Variants in HS3ST3B1 observed in about 807,000 individuals in gnomAD.
The protein encoded by HS3ST3B1 is heparan sulfate-glucosamine 3-sulfotransferase 3B1, also known as heparan sulfate glucosamine 3-O-sulfotransferase 3B1.
In HS3ST3B1, 13 loss-of-function variants were observed where a neutral mutation model predicts 21.3. The observed-to-expected ratio is 0.61, with a 90% CI of 0.40 to 0.97. The LOEUF (loss-of-function observed/expected upper bound fraction) is 0.97. Among genes scored for constraint, HS3ST3B1 ranks in the 50% least tolerant of loss-of-function variants. The pLI is 0.00. For missense variants in HS3ST3B1, 459 were observed against 554.8 expected, an observed-to-expected ratio of 0.83 and a Z score of 1.73; for synonymous variants, 234 against 254.8, an observed-to-expected ratio of 0.92 and a Z score of 0.78.
intron 1 of HS3ST3B1, among the ~76,000 whole-genome samples, chr17:14,322,783 C>A (rs868450947): frequency 2.0e-5 from 3 of 152,202 alleles, no homozygotes; most frequent in African/African-American, 7.2e-5. Context: ...GCAGAACAAC[C>A]AACCCGTGGC....
chr17:14,339,129 G>A (rs117287258), intron 1 of HS3ST3B1, among the ~76,000 whole-genome samples: 2,340 of 152,194 alleles, frequency 0.015, 28 homozygotes, highest in Non-Finnish European at 0.024. Flanking sequence ...CCAGGTTTAC[G>A]TGCTTTTCAA....
intron 1 of HS3ST3B1, among the ~76,000 whole-genome samples, chr17:14,308,680 T>C (rs1375837329): frequency 6.6e-6 from 1 of 152,204 alleles, no homozygotes; most frequent in Non-Finnish European, 1.5e-5. Context: ...GTTCTAAATA[T>C]GGCAAATGTG....
rs570217351 is a variant in HS3ST3B1, at chr17:14,314,746, G to A, written c.554+12674G>A. ...GAATGGGGGAATCGTCTCTCCTTCC[G>A]ACATTCTGCCCTCCCTGCCCCTTCC... On this transcript the variant is annotated intron_variant, in intron 1 of 1. Transcript: ENST00000360954. Among the ~76,000 whole-genome samples, 15 of 152,248 alleles carry A rather than the reference G, an allele frequency of 9.9e-5. No homozygotes were observed. In the South Asian group the frequency reaches 1.9e-3, roughly 19 times the overall value.
At chr17:14,340,725 G>A (rs1006481736) in intron 1 of HS3ST3B1, among the ~76,000 whole-genome samples, 3 of 152,136 alleles carry the variant, frequency 2.0e-5, no homozygotes, top group Non-Finnish European at 2.9e-5. Context: ...CAGGATTACA[G>A]GCATGTGCCA....
Position 14,339,424 on chromosome 17 carries a change from T to C in HS3ST3B1, c.555-5604T>C, listed in dbSNP as rs912870384. ...AATCTATTTAAAGAGAGGACAGGTG[T>C]GTAGCTCTACATGTTCTAAATCATA... is the stretch of plus-strand genomic sequence containing the variant. On this transcript the variant is annotated intron_variant, in intron 1 of 1. Coordinates refer to ENST00000360954, the MANE Select transcript of HS3ST3B1 (RefSeq NM_006041.3). 3.3e-5 allele frequency among the ~76,000 whole-genome samples: 5 copies of C among 152,172 alleles called. No homozygotes were observed. In the East Asian group the frequency reaches 9.6e-4, roughly 29 times the overall value.
rs1270103250 is a variant in HS3ST3B1, at chr17:14,310,299, A to C, written c.554+8227A>C. On this transcript the variant is annotated intron_variant, in intron 1 of 1. Transcript: ENST00000360954. Reference sequence around the variant, plus strand: ...ACGCCAGGCTCGTCCTCCTAACCCTAAGTCCTGTGCACAGAGCCCTGTAGC... The same window carrying C: ...ACGCCAGGCTCGTCCTCCTAACCCTCAGTCCTGTGCACAGAGCCCTGTAGC... Among the ~76,000 whole-genome samples, 7 of 151,968 alleles carry C rather than the reference A, an allele frequency of 4.6e-5. 1 individual carries two copies. Among genetic ancestry groups the C allele is most frequent in the Admixed American group, 4.6e-4 (7 of 15,266 alleles).
In HS3ST3B1 at chr17:14,342,038, CTCT is replaced by C. The variant is rs563232393; in HGVS notation, c.555-2983_555-2981del. Among the ~76,000 whole-genome samples the C allele has an allele frequency of 3.9e-4, 60 of 152,332 alleles. 1 individual carries two copies. The South Asian group carries it at 9.5e-3, about 24-fold the overall frequency. On this transcript the variant is annotated intron_variant, in intron 1 of 1. Transcript: ENST00000360954. ...GGCAGTCTTCCTTAAGGGAAAAGCA[CTCT>C]TCTTCTAACTCCCTGTTGGCAGTCT...
chr17:14,330,141 T>C (rs148600944), intron 1 of HS3ST3B1, among the ~76,000 whole-genome samples: 168 of 152,344 alleles, frequency 1.1e-3, no homozygotes, highest in African/African-American at 3.7e-3. Flanking sequence ...TTAAGGTACA[T>C]TTGACATTGA....
At chr17:14,302,470 C>T (rs1451528257) in intron 1 of HS3ST3B1, among the ~76,000 whole-genome samples, 1 of 152,146 alleles carries the variant, frequency 6.6e-6, no homozygotes, top group Non-Finnish European at 1.5e-5. Context: ...TGTTCTGAGC[C>T]CCTTTGGTCG....
intron 1 of HS3ST3B1, among the ~76,000 whole-genome samples, chr17:14,326,136 A>C (rs1909809588): frequency 6.6e-6 from 1 of 152,128 alleles, no homozygotes; most frequent in African/African-American, 2.4e-5. Context: ...ATATTAGAAG[A>C]AGGAGGTCCA....
intron 1 of HS3ST3B1, among the ~76,000 whole-genome samples, chr17:14,312,557 A>G (rs1222915251): frequency 1.3e-5 from 2 of 151,848 alleles, no homozygotes; most frequent in Non-Finnish European, 2.9e-5. Flanking sequence ...GTCCATGTTG[A>G]TGGTGGCGGT....
Position 14,315,516 on chromosome 17 carries a change from G to A in HS3ST3B1, c.554+13444G>A, listed in dbSNP as rs561366621. Reference sequence around the variant, plus strand: ...CACACTTTGAGATGCGCTATTCCACGTTTCTTTGAGTGAAGACAAAGTTCT... The same window carrying A: ...CACACTTTGAGATGCGCTATTCCACATTTCTTTGAGTGAAGACAAAGTTCT... On this transcript the variant is annotated intron_variant, in intron 1 of 1. Coordinates refer to ENST00000360954, the MANE Select transcript of HS3ST3B1 (RefSeq NM_006041.3). 2.6e-5 allele frequency among the ~76,000 whole-genome samples: 4 copies of A among 152,244 alleles called. 1 individual carries two copies. In the South Asian group the frequency reaches 6.2e-4, roughly 24 times the overall value.
rs749365695 is a variant in HS3ST3B1, at chr17:14,301,664, A to T, written c.146A>T (p.Tyr49Phe). Reference protein sequence around the residue: ...MLCVWLYMFLYSCAGSCAAAP... With the variant: ...MLCVWLYMFLFSCAGSCAAAP... ...TGCGTCTGGCTCTATATGTTCCTGT[A>T]CTCGTGCGCCGGCTCCTGCGCCGCC... is the stretch of plus-strand genomic sequence containing the variant. Residue 49 changes from tyrosine (Y) to phenylalanine (F), a missense_variant, in exon 1 of 2, where the codon TAC becomes TTC. Physicochemically the swap from Tyr to Phe is conservative, Grantham distance 22. Around this residue, in one of 3 missense-constraint regions of HS3ST3B1, gnomAD observed 317 missense variants for 278.6 expected, o/e 1.14. Coordinates refer to ENST00000360954, the MANE Select transcript of HS3ST3B1 (RefSeq NM_006041.3). 1 of 1,603,270 alleles carries T rather than the reference A, an allele frequency of 6.2e-7. No homozygotes were observed. The highest frequency in any genetic ancestry group is 8.5e-7 in the Non-Finnish European group (1 of 1,176,816).
At chr17:14,337,640 C>A (rs1030934607) in intron 1 of HS3ST3B1, among the ~76,000 whole-genome samples, 1 of 151,568 alleles carries the variant, frequency 6.6e-6, no homozygotes, top group African/African-American at 2.4e-5. Context: ...CCTGACCTGC[C>A]TGATTGGAAT....
intron 1 of HS3ST3B1, among the ~76,000 whole-genome samples, chr17:14,321,205 A>C (rs1597593048): frequency 6.6e-6 from 1 of 152,196 alleles, no homozygotes; most frequent in Non-Finnish European, 1.5e-5. Context: ...GTTTATAGCT[A>C]GGCTAATTTA....
intron 1 of HS3ST3B1, chr17:14,305,227 T>C (rs554252900): frequency 1.3e-5 from 2 of 152,424 alleles, no homozygotes; most frequent in African/African-American, 4.8e-5. Context: ...ATGACTCTTC[T>C]GGGTTGACTT....
At chr17:14,305,253 CA>C (rs1319282776) in intron 1 of HS3ST3B1, 1 of 152,280 alleles carries the variant, frequency 6.6e-6, no homozygotes, top group African/African-American at 2.4e-5. Context: ...GTTCATTATG[CA>C]GCCCTCTTGA....
chr17:14,345,198 T>G lies in HS3ST3B1; in HGVS notation c.725T>G (p.Leu242Arg), dbSNP rs779098845. ...TRAISDYTQT[L>R]SKRPDIPTFE... is the part of the protein sequence containing the mutation. ...GCCATCTCGGACTACACGCAGACGC[T>G]GTCCAAGCGGCCCGACATCCCCACC... Residue 242 changes from leucine (L) to arginine (R), a missense_variant, in exon 2 of 2, where the codon CTG (leucine) becomes CGG (arginine). Around this residue, in one of 3 missense-constraint regions of HS3ST3B1, gnomAD observed 127 missense variants for 209.9 expected, o/e 0.60. Coordinates refer to ENST00000360954, the MANE Select transcript of HS3ST3B1 (RefSeq NM_006041.3). The G allele has an allele frequency of 3.9e-6, 6 of 1,523,770 alleles. No individual in the cohort carries two copies. The South Asian group carries it at 5.9e-5, about 15-fold the overall frequency. 94.4% of individuals were successfully genotyped at this position (1,523,770 alleles called of 1,614,324 possible).
intron 1 of HS3ST3B1, among the ~76,000 whole-genome samples, chr17:14,316,056 C>T (rs987326792): frequency 2.6e-5 from 4 of 152,148 alleles, no homozygotes; most frequent in African/African-American, 4.8e-5. Context: ...GGGCCATATT[C>T]GCCAAACATG....
Sources: gnomAD v4.1 joint callset for allele counts (sites outside exome capture counted in the v4.1 genomes callset) on GRCh38, gnomAD v4.1.1 for gene constraint, gnomAD v4.1.1 regional missense constraint, MANE v1.5 for transcripts, NCBI Gene and HGNC (gene_info 2026-07-23, HGNC 2026-07-21) for gene names.